The following DSCAM variants were observed in gnomAD, a reference collection of about 807,000 sequenced individuals.
The protein encoded by DSCAM is cell adhesion molecule DSCAM.
DSCAM carries 47 observed loss-of-function variants against 217.7 expected under a neutral mutation model. The ratio of observed to expected loss-of-function variants is 0.22; its 90% CI spans 0.17 to 0.28. DSCAM has a LOEUF of 0.28. Among genes scored for constraint, DSCAM ranks in the 10% least tolerant of loss-of-function variants. The pLI is 1.00. For synonymous variants in DSCAM, 1,056 were observed against 1,015.3 expected (o/e 1.04, Z -0.76); for missense variants, 2,080 against 2,618.3 (o/e 0.79, Z 4.49).
In DSCAM at chr21:40,533,692, T is replaced by C. The variant is rs547260472; in HGVS notation, c.508+159118A>G. On this transcript the variant is annotated intron_variant, in intron 3 of 32. Coordinates refer to ENST00000400454, the MANE Select transcript of DSCAM (RefSeq NM_001389.5). ...ATCCATCTGTCCATCCATCCATCCA[T>C]CCATTCATCCATCCATCCATCCACC... Among the ~76,000 whole-genome samples, 240 of 149,268 alleles carry C rather than the reference T, an allele frequency of 1.6e-3. 1 individual carries two copies. Among genetic ancestry groups the C allele is most frequent in the African/African-American group, 2.3e-3 (93 of 40,512 alleles).
intron 3 of DSCAM, among the ~76,000 whole-genome samples, chr21:40,411,455 T>C (rs769221563): frequency 1.3e-5 from 2 of 152,202 alleles, no homozygotes; most frequent in Admixed American, 6.5e-5. Context: ...ATTTTGATAC[T>C]GCAAGTATTT....
At chr21:40,151,221 GT>G (rs2090420005) in intron 16 of DSCAM, among the ~76,000 whole-genome samples, 1 of 152,010 alleles carries the variant, frequency 6.6e-6, no homozygotes, top group Admixed American at 6.5e-5. Flanking sequence ...TATAAAAGCT[GT>G]TGTCAAAAAA....
At chr21:40,450,820 C>G (rs2075712733) in intron 3 of DSCAM, among the ~76,000 whole-genome samples, 1 of 152,192 alleles carries the variant, frequency 6.6e-6, no homozygotes, top group Non-Finnish European at 1.5e-5. Flanking sequence ...AAGCTTCTTA[C>G]TAAGGAACGC....
chr21:40,213,005 C>T (rs908471321), intron 11 of DSCAM, among the ~76,000 whole-genome samples: 1 of 152,174 alleles, frequency 6.6e-6, no homozygotes, highest in Non-Finnish European at 1.5e-5. Flanking sequence ...GATGTGCCCT[C>T]AGAGCCTCCA....
chr21:40,167,710 C>T (rs1212267697), intron 15 of DSCAM, among the ~76,000 whole-genome samples: 2 of 152,146 alleles, frequency 1.3e-5, no homozygotes, highest in Non-Finnish European at 2.9e-5. Context: ...AGAATGACTT[C>T]GGGCAAAAAT....
intron 3 of DSCAM, among the ~76,000 whole-genome samples, chr21:40,406,466 A>C (rs560455692): frequency 7.2e-5 from 11 of 152,386 alleles, no homozygotes; most frequent in South Asian, 6.2e-4. Flanking sequence ...TCAGCCTTAA[A>C]AAAGCAATGA....
intron 1 of DSCAM, among the ~76,000 whole-genome samples, chr21:40,743,337 T>C (rs2091143181): frequency 6.6e-6 from 1 of 152,204 alleles, no homozygotes; most frequent in Non-Finnish European, 1.5e-5. Context: ...TTCTGCATCA[T>C]CAACTCCTGG....
At chr21:40,557,271 G>A (rs1344033358) in intron 3 of DSCAM, among the ~76,000 whole-genome samples, 1 of 152,116 alleles carries the variant, frequency 6.6e-6, no homozygotes, top group Non-Finnish European at 1.5e-5. Context: ...CCTCCCTCAG[G>A]TGTGCATTCC....
intron 2 of DSCAM, among the ~76,000 whole-genome samples, chr21:40,704,672 C>T (rs917154890): frequency 6.6e-6 from 1 of 152,062 alleles, no homozygotes; most frequent in African/African-American, 2.4e-5. Context: ...GCCACGATCC[C>T]ATCACTGCAC....
intron 3 of DSCAM, among the ~76,000 whole-genome samples, chr21:40,582,154 A>G (rs1418723012): frequency 2.6e-5 from 4 of 152,198 alleles, no homozygotes; most frequent in African/African-American, 9.6e-5. Flanking sequence ...GGGACTGTGT[A>G]TAATAAAACT....
At chr21:40,350,147 T>TA (rs2074613521) in intron 5 of DSCAM, among the ~76,000 whole-genome samples, 1 of 152,086 alleles carries the variant, frequency 6.6e-6, no homozygotes, top group Non-Finnish European at 1.5e-5. Context: ...CAAGATGGAT[T>TA]AAAGACTTAA....
rs1297996603 is a variant in DSCAM, at chr21:40,012,571, AG to A, written c.*462del. The stretch of plus-strand genomic sequence containing the variant: ...TTAACAACAAAAGAAGACCAAATTG[AG>A]AACCCGGTTTCTAATGGGAAAGAAA... On this transcript the variant is annotated 3_prime_UTR_variant, in exon 33 of 33. Coordinates refer to ENST00000400454, the MANE Select transcript of DSCAM (RefSeq NM_001389.5). 2.0e-5 allele frequency: 3 copies of A among 152,398 alleles called. No homozygotes were observed. The highest frequency in any genetic ancestry group is 7.2e-5 in the African/African-American group (3 of 41,454). The allele number at this position is 152,398 out of a possible 1,614,324, so 9.4% of individuals were successfully genotyped here. A position where few individuals can be genotyped will look rare whatever the true frequency, so the allele number is the denominator to read the frequency against.
intron 3 of DSCAM, among the ~76,000 whole-genome samples, chr21:40,567,876 T>A (rs535391408): frequency 1.5e-4 from 23 of 152,212 alleles, no homozygotes; most frequent in Non-Finnish European, 2.4e-4. Context: ...CTTTAGGATA[T>A]TTTGTTCCTT....
chr21:40,348,764 T>A (rs1021794315), intron 5 of DSCAM, among the ~76,000 whole-genome samples: 3 of 152,186 alleles, frequency 2.0e-5, no homozygotes, highest in Admixed American at 2.0e-4. Context: ...CTGGCTTTAT[T>A]TCTCTTTGCA....
chr21:40,194,919 C>A (rs61267634), intron 11 of DSCAM, among the ~76,000 whole-genome samples: 19,104 of 152,094 alleles, frequency 0.13, 3,343 homozygotes, highest in African/African-American at 0.39. Context: ...TCCTCTCCCC[C>A]TCAATAGCTA....
chr21:40,344,661 A>G (rs2074538561), intron 6 of DSCAM, among the ~76,000 whole-genome samples: 1 of 152,132 alleles, frequency 6.6e-6, no homozygotes, highest in Non-Finnish European at 1.5e-5. Context: ...TGTCCTCATT[A>G]TGTAATATTT....
intron 3 of DSCAM, among the ~76,000 whole-genome samples, chr21:40,686,176 T>C (rs201288271): frequency 4.0e-4 from 34 of 84,288 alleles, no homozygotes; most frequent in Admixed American, 2.1e-3. Flanking sequence ...CACACACACA[T>C]ACAGAGCACA....
At chr21:40,792,330 G>C (rs577606259) in intron 1 of DSCAM, among the ~76,000 whole-genome samples, 40 of 151,960 alleles carry the variant, frequency 2.6e-4, no homozygotes, top group African/African-American at 9.4e-4. Context: ...AGTAGAGATG[G>C]GGTTTCACCA....
chr21:40,017,516 C>G (rs2088179997), intron 32 of DSCAM, among the ~76,000 whole-genome samples: 1 of 152,066 alleles, frequency 6.6e-6, no homozygotes, highest in Non-Finnish European at 1.5e-5. Context: ...TCAACTGGAT[C>G]CAAGGGAAGC....
Sources: gnomAD v4.1 joint callset for allele counts (sites outside exome capture counted in the v4.1 genomes callset) on GRCh38, gnomAD v4.1.1 for gene constraint, MANE v1.5 for transcripts, NCBI Gene and HGNC (gene_info 2026-07-23, HGNC 2026-07-21) for gene names.